FZD3: variants seen among roughly 807,000 people sequenced by gnomAD.
FZD3 encodes the protein frizzled-3.
FZD3 carries 30 observed loss-of-function variants against 60.7 expected under a neutral mutation model. The ratio of observed to expected loss-of-function variants is 0.49; its 90% CI spans 0.37 to 0.67. The LOEUF (loss-of-function observed/expected upper bound fraction) is 0.67, where lower values mean the gene tolerates loss of function less well. FZD3 is among the 30% of genes least tolerant of loss of function. FZD3 has a pLI of 0.00. For missense variants in FZD3, 605 were observed against 838.7 expected (o/e 0.72, Z 3.44); for synonymous variants, 246 against 275.2 (o/e 0.89, Z 1.05).
chr8:28,528,236 A>G (rs753227868), intron 5 of FZD3, 72 bp downstream of exon 5: 23 of 1,169,524 alleles, frequency 2.0e-5, no homozygotes, highest in Non-Finnish European at 2.8e-5. Flanking sequence ...TAATGAGTTA[A>G]TATCAGCTGT....
rs889271498 is a variant in FZD3 at position 28,568,673 on chromosome 8, A to G, written c.*5662A>G. The G allele has an allele frequency of 6.6e-6, 1 of 152,178 alleles. No homozygotes were observed. Among genetic ancestry groups the G allele is most frequent in the African/African-American group, 2.4e-5 (1 of 41,460 alleles). The allele number at this position is 152,178 out of a possible 1,614,324, so 9.4% of individuals were successfully genotyped here. A position where few individuals can be genotyped will look rare whatever the true frequency, so the allele number is the denominator to read the frequency against. On this transcript the variant is annotated 3_prime_UTR_variant, in exon 8 of 8. Coordinates refer to ENST00000240093, the MANE Select transcript of FZD3 (RefSeq NM_017412.4). ...GTTTCTTATTCTGTGATCTCTAATT[A>G]GAAAGTAAAATTCTGTTGCCATAAA...
chr8:28,502,023 TG>T (rs1209439154), intron 2 of FZD3, among the ~76,000 whole-genome samples: 1 of 152,248 alleles, frequency 6.6e-6, no homozygotes, highest in Non-Finnish European at 1.5e-5. Context: ...CGCTTCATAC[TG>T]CTTTACCATT....
intron 1 of FZD3, 131 bp from the exon 2 acceptor site, chr8:28,499,802 T>C (rs2130261925): frequency 6.6e-6 from 1 of 152,320 alleles, no homozygotes; most frequent in South Asian, 2.1e-4. Flanking sequence ...TGTATTTCTT[T>C]TGTAAATTTA....
chr8:28,505,485 G>C (rs1360330968), intron 3 of FZD3, among the ~76,000 whole-genome samples: 1 of 152,050 alleles, frequency 6.6e-6, no homozygotes, highest in East Asian at 1.9e-4. Context: ...CAAGTAGCTG[G>C]GACTACAGGT....
intron 5 of FZD3, among the ~76,000 whole-genome samples, chr8:28,548,387 G>A (rs1805343661): frequency 6.6e-6 from 1 of 151,760 alleles, no homozygotes; most frequent in Non-Finnish European, 1.5e-5. Context: ...TGCAGCCTCT[G>A]CCTCCTGGGC....
intron 5 of FZD3, among the ~76,000 whole-genome samples, chr8:28,541,289 G>T (rs773485721): frequency 4.6e-5 from 7 of 152,196 alleles, no homozygotes; most frequent in Non-Finnish European, 8.8e-5. Flanking sequence ...CTTTCACACT[G>T]TATCCCTGCC....
At chr8:28,494,831 G>T (rs1287910500) in intron 1 of FZD3, among the ~76,000 whole-genome samples, 1 of 152,100 alleles carries the variant, frequency 6.6e-6, no homozygotes, top group Admixed American at 6.5e-5. Context: ...ATGCTCCGGG[G>T]GCTCCCGGCC....
intron 7 of FZD3, among the ~76,000 whole-genome samples, chr8:28,560,803 A>C (rs1216605449): frequency 2.0e-5 from 3 of 152,182 alleles, no homozygotes. Flanking sequence ...TAAGGCAATA[A>C]TCATTATGCA....
intron 1 of FZD3, among the ~76,000 whole-genome samples, chr8:28,499,344 T>A (rs182231134): frequency 6.6e-6 from 1 of 152,324 alleles, no homozygotes; most frequent in East Asian, 1.9e-4. Context: ...AAATACAGGT[T>A]TATGCTCATC....
chr8:28,545,774 G>T (rs936666144), intron 5 of FZD3, among the ~76,000 whole-genome samples: 5 of 152,048 alleles, frequency 3.3e-5, no homozygotes, highest in Admixed American at 3.3e-4. Context: ...TAGATGGCCA[G>T]AACAGTGCAT....
At chr8:28,498,573 AT>A in intron 1 of FZD3, among the ~76,000 whole-genome samples, 1 of 152,016 alleles carries the variant, frequency 6.6e-6, no homozygotes, top group East Asian at 1.9e-4. Context: ...AAAAGTTTTT[AT>A]TTTTTTATTT....
intron 7 of FZD3, among the ~76,000 whole-genome samples, chr8:28,557,160 CAT>C (rs1805524114): frequency 6.8e-6 from 1 of 147,962 alleles, no homozygotes; most frequent in Non-Finnish European, 1.5e-5. Flanking sequence ...AGTGAGCTGA[CAT>C]CGTGCCACTG....
intron 5 of FZD3, among the ~76,000 whole-genome samples, chr8:28,529,042 A>G (rs1423238931): frequency 6.6e-6 from 1 of 152,044 alleles, no homozygotes; most frequent in Non-Finnish European, 1.5e-5. Context: ...CAGCCTCCCA[A>G]TTAGCTAGGA....
At chr8:28,548,506 A>G (rs570492550) in intron 5 of FZD3, among the ~76,000 whole-genome samples, 46 of 152,244 alleles carry the variant, frequency 3.0e-4, no homozygotes, top group South Asian at 2.3e-3. Flanking sequence ...GGTATGAAAT[A>G]CGGTATGGCT....
intron 3 of FZD3, among the ~76,000 whole-genome samples, chr8:28,516,080 A>G (rs1804418738): frequency 6.6e-6 from 1 of 152,142 alleles, no homozygotes; most frequent in Non-Finnish European, 1.5e-5. Flanking sequence ...TGATTTTTGT[A>G]TATAAGGTAA....
chr8:28,562,151 A>G (rs1483676075), intron 7 of FZD3, among the ~76,000 whole-genome samples: 1 of 152,172 alleles, frequency 6.6e-6, no homozygotes, highest in Non-Finnish European at 1.5e-5. Context: ...GTAACTTCCA[A>G]GCAGATGTAG....
intron 3 of FZD3, among the ~76,000 whole-genome samples, chr8:28,508,827 G>A (rs1019391506): frequency 6.6e-6 from 1 of 151,998 alleles, no homozygotes; most frequent in Non-Finnish European, 1.5e-5. Flanking sequence ...GCCTGGCCAT[G>A]GATTTTATTT....
intron 3 of FZD3, among the ~76,000 whole-genome samples, chr8:28,504,210 G>A (rs982170006): frequency 6.6e-6 from 1 of 152,120 alleles, no homozygotes; most frequent in African/African-American, 2.4e-5. Flanking sequence ...AATAAGGAGG[G>A]CATCTTATAT....
At position 28,555,872 on chromosome 8, in the gene FZD3, C is replaced by G. The variant is rs749809003; in HGVS notation, c.1688C>G (p.Thr563Ser). The G allele has an allele frequency of 6.2e-7, 1 of 1,613,946 alleles. No homozygotes were observed. Reference sequence around the variant, plus strand: ...GGAACATCCACCCATGCTTCTTCAACTCAGCTGGCTATGGTGGATGATCAA... The same window carrying G: ...GGAACATCCACCCATGCTTCTTCAAGTCAGCTGGCTATGGTGGATGATCAA... Reference protein sequence around the residue: ...TQGTSTHASSTQLAMVDDQRS... With the variant: ...TQGTSTHASSSQLAMVDDQRS... Residue 563 changes from threonine (T) to serine (S), a missense_variant, in exon 7 of 8, where the codon ACT (threonine) becomes AGT (serine). Transcript: ENST00000240093.
Sources: gnomAD v4.1 joint callset for allele counts (sites outside exome capture counted in the v4.1 genomes callset) on GRCh38, gnomAD v4.1.1 for gene constraint, MANE v1.5 for transcripts, NCBI Gene and HGNC (gene_info 2026-07-23, HGNC 2026-07-21) for gene names.